ANKRD27: variants seen among roughly 807,000 people sequenced by gnomAD.
The protein encoded by ANKRD27 is ankyrin repeat domain-containing protein 27.
A neutral mutation model predicts 129.7 loss-of-function variants in ANKRD27; 112 were observed. The observed-to-expected ratio is 0.86, with a 90% CI of 0.74 to 1.01. ANKRD27 has a LOEUF of 1.01. ANKRD27 is among the 50% of genes least tolerant of loss of function. ANKRD27 has a pLI of 0.00. For synonymous variants in ANKRD27, 516 were observed against 511.2 expected, an observed-to-expected ratio of 1.01 and a Z score of -0.13; for missense variants, 1,258 against 1,300.5, an observed-to-expected ratio of 0.97 and a Z score of 0.50.
At chr19:32,641,190 C>G (rs1290123381) in intron 10 of ANKRD27, among the ~76,000 whole-genome samples, 1 of 151,338 alleles carries the variant, frequency 6.6e-6, no homozygotes, top group Non-Finnish European at 1.5e-5. Context: ...TGTGAGCCAC[C>G]GCGCCCAGCC....
Position 32,607,898 on chromosome 19 carries a change from G to A in ANKRD27, c.2176-66C>T, listed in dbSNP as rs1032827238. On this transcript the variant is annotated intron_variant, in intron 22 of 28. Transcript: ENST00000306065. ...TTGAAGAAACTGGGCTGGAGTGATT[G>A]GCACCATGTGCCCCCCACAGCTCCC... is the stretch of plus-strand genomic sequence containing the variant. The A allele has an allele frequency of 4.0e-6, 6 of 1,483,524 alleles. No individual in the cohort carries two copies. The African/African-American group carries it at 8.4e-5, about 21-fold the overall frequency. The allele number at this position is 1,483,524 out of a possible 1,614,324, so 91.9% of individuals were successfully genotyped here.
At position 32,620,755 on chromosome 19, in the gene ANKRD27, C is replaced by T. The variant is rs1191062698; in HGVS notation, c.1828-1202G>A. 2.6e-5 allele frequency among the ~76,000 whole-genome samples: 4 copies of T among 151,816 alleles called. No homozygotes were observed. The South Asian group carries it at 8.3e-4, about 32-fold the overall frequency. ...TACAAAAATTAGCCGGGTGTGGTGGCGCATGCCTGTAGTCCCAGCTACTCG... is the reference window on the plus strand; with the variant it reads ...TACAAAAATTAGCCGGGTGTGGTGGTGCATGCCTGTAGTCCCAGCTACTCG... On this transcript the variant is annotated intron_variant, in intron 18 of 28. Transcript: ENST00000306065.
At chr19:32,638,961 C>A in intron 12 of ANKRD27, 1 of 331,334 alleles carries the variant, frequency 3.0e-6, no homozygotes, top group Non-Finnish European at 5.4e-6. Flanking sequence ...GAACAAAACT[C>A]AGGCAAAGGA....
intron 22 of ANKRD27, among the ~76,000 whole-genome samples, chr19:32,610,586 G>A (rs1479928202): frequency 1.3e-5 from 2 of 151,786 alleles, no homozygotes; most frequent in African/African-American, 4.8e-5. Flanking sequence ...GAGGTCAGGA[G>A]TTTGAGACCA....
In ANKRD27 at chr19:32,631,404, TA is replaced by T; in HGVS notation, c.1206del (p.Phe402LeufsTer16). The part of the protein sequence containing the change: ...QMTSSPTDCL[F>X]KHIASGNQKE... Reference sequence around the variant, plus strand: ...ACAGAGATGTCTTGGTATCTCACCTTAAACAGGCAGTCGGTGGGAGACGAAG... The same window carrying T: ...ACAGAGATGTCTTGGTATCTCACCTTAACAGGCAGTCGGTGGGAGACGAAG... On this transcript the variant is annotated frameshift_variant, in exon 13 of 29. Transcript: ENST00000306065. LOFTEE classifies it high-confidence loss of function. 6.2e-7 allele frequency: 1 copy of T among 1,613,674 alleles called. No individual in the cohort carries two copies. The highest frequency in any genetic ancestry group is 8.5e-7 in the Non-Finnish European group (1 of 1,179,600).
intron 13 of ANKRD27, among the ~76,000 whole-genome samples, chr19:32,629,422 TG>T (rs1213717161): frequency 6.6e-6 from 1 of 151,802 alleles, no homozygotes; most frequent in Non-Finnish European, 1.5e-5. Flanking sequence ...ATGACATGCC[TG>T]GAGCGGTGGC....
At chr19:32,638,907 C>T (rs533535519) in intron 12 of ANKRD27, 9 of 221,594 alleles carry the variant, frequency 4.1e-5, no homozygotes, top group East Asian at 2.9e-4. Context: ...ACAAGCCGAG[C>T]GCAGCCTGCC....
intron 12 of ANKRD27, 73 bp from the exon 13 acceptor site, chr19:32,631,567 C>G: frequency 8.3e-7 from 1 of 1,201,580 alleles, no homozygotes; most frequent in Non-Finnish European, 1.2e-6. Flanking sequence ...TCAGCAACAA[C>G]CCCGGCTGTC....
At chr19:32,621,322 T>C (rs1310377650) in intron 18 of ANKRD27, among the ~76,000 whole-genome samples, 2 of 151,860 alleles carry the variant, frequency 1.3e-5, no homozygotes, top group Non-Finnish European at 2.9e-5. Flanking sequence ...TCTCTATTAC[T>C]TTTCTAAAAT....
At chr19:32,651,985 A>T (rs1967425699) in intron 2 of ANKRD27, among the ~76,000 whole-genome samples, 1 of 152,226 alleles carries the variant, frequency 6.6e-6, no homozygotes. Context: ...CATAGCAACC[A>T]GAAGCCAACG....
Position 32,653,313 on chromosome 19 carries a change from G to C in ANKRD27, c.103-3521C>G, listed in dbSNP as rs80228273. ...TGCTAGGCTCCCAGACTAGGCCCCC[G>C]GAGCCTACTTACCCCATTAAATCAG... is the stretch of plus-strand genomic sequence containing the variant. On this transcript the variant is annotated intron_variant, in intron 2 of 28. Coordinates refer to ENST00000306065, the MANE Select transcript of ANKRD27 (RefSeq NM_032139.3). 0.017 allele frequency among the ~76,000 whole-genome samples: 2,646 copies of C among 152,200 alleles called. 135 individuals are homozygous for C. In the East Asian group the frequency reaches 0.21, roughly 12 times the overall value.
rs1039867824 is a variant in ANKRD27, at chr19:32,645,552, C to T, written c.370+907G>A. On this transcript the variant is annotated intron_variant, in intron 4 of 28. Coordinates refer to ENST00000306065, the MANE Select transcript of ANKRD27 (RefSeq NM_032139.3). ...TTCCTAGGCTCAAGTGACCCTCCCA[C>T]CTCAGCCTCTTGAGTAACTGAGACT... Among the ~76,000 whole-genome samples the T allele has an allele frequency of 4.5e-4, 68 of 152,228 alleles. 1 individual carries two copies. The highest frequency in any genetic ancestry group is 1.5e-4 in the Non-Finnish European group (10 of 68,014).
intron 20 of ANKRD27, 106 bp downstream of exon 20, chr19:32,619,154 G>T: frequency 7.0e-7 from 1 of 1,434,226 alleles, no homozygotes; most frequent in Non-Finnish European, 9.4e-7. Flanking sequence ...GCATGGGCAA[G>T]CAGGCTGAGA....
Position 32,602,086 on chromosome 19 carries a change from C to T in ANKRD27, c.2696G>A (p.Cys899Tyr). The stretch of plus-strand genomic sequence containing the variant: ...AGCCACATCATCTAATGAAGCAACA[C>T]AGCTTGGTACCACCTGAAGCAATTC... ...IMELLQVVPS[C>Y]VASLDDVAET... The change falls in exon 26 of 29, where the codon TGT (cysteine) becomes TAT (tyrosine). Residue 899 changes from cysteine (C) to tyrosine (Y), a missense_variant. Coordinates refer to ENST00000306065, the MANE Select transcript of ANKRD27 (RefSeq NM_032139.3). 1 of 1,613,976 alleles carries T rather than the reference C, an allele frequency of 6.2e-7. No homozygotes were observed. Among genetic ancestry groups the T allele is most frequent in the South Asian group, 1.1e-5 (1 of 91,062 alleles).
chr19:32,656,903 C>T (rs1568418252), intron 2 of ANKRD27, among the ~76,000 whole-genome samples: 1 of 151,800 alleles, frequency 6.6e-6, no homozygotes, highest in Admixed American at 6.6e-5. Context: ...GAAGAGATGA[C>T]AGTGAATGTC....
Position 32,646,517 on chromosome 19 carries a change from T to C in ANKRD27, c.312A>G (p.Lys104=). 6.2e-7 allele frequency: 1 copy of C among 1,614,148 alleles called. No individual in the cohort carries two copies. Among genetic ancestry groups the C allele is most frequent in the Non-Finnish European group, 8.5e-7 (1 of 1,179,988 alleles). Reference sequence around the variant, plus strand: ...TACACAGGATGCTGAAACTCTCTTCTTTTTCATTGTAGAAAGTTTCTTCAA... The same window carrying C: ...TACACAGGATGCTGAAACTCTCTTCCTTTTCATTGTAGAAAGTTTCTTCAA... ...ILFEETFYNE[K]EESFSILCIA... The change falls in exon 4 of 29, where the codon AAA becomes AAG. Residue 104 remains lysine, a synonymous_variant. Coordinates refer to ENST00000306065, the MANE Select transcript of ANKRD27 (RefSeq NM_032139.3).
intron 23 of ANKRD27, among the ~76,000 whole-genome samples, chr19:32,606,727 C>A (rs1230217020): frequency 6.6e-6 from 1 of 151,924 alleles, no homozygotes; most frequent in Non-Finnish European, 1.5e-5. Flanking sequence ...AGATGCAAGA[C>A]CTGAAATATG....
chr19:32,658,056 C>T (rs1348496104), intron 2 of ANKRD27, among the ~76,000 whole-genome samples: 1 of 152,202 alleles, frequency 6.6e-6, no homozygotes, highest in African/African-American at 2.4e-5. Flanking sequence ...TGAAGCCACA[C>T]TCAGCTAACC....
chr19:32,605,727 A>G, intron 24 of ANKRD27, 108 bp downstream of exon 24: 1 of 1,461,194 alleles, frequency 6.8e-7, no homozygotes, highest in South Asian at 1.2e-5. Flanking sequence ...CCTGGGGTTG[A>G]TGGGTGGCCG....
Sources: gnomAD v4.1 joint callset for allele counts (sites outside exome capture counted in the v4.1 genomes callset) on GRCh38, gnomAD v4.1.1 for gene constraint, MANE v1.5 for transcripts, NCBI Gene and HGNC (gene_info 2026-07-23, HGNC 2026-07-21) for gene names.